The following BICC1 variants were observed in gnomAD, a reference collection of about 807,000 sequenced individuals.
The protein encoded by BICC1 is BicC family RNA binding protein 1.
A neutral mutation model predicts 111.0 loss-of-function variants in BICC1; 43 were observed. That is an observed-to-expected ratio of 0.39 (90% CI 0.30 to 0.50). The LOEUF (loss-of-function observed/expected upper bound fraction) is 0.50. Ranked by LOEUF, BICC1 falls within the 20% of genes least tolerant of loss-of-function variation. The pLI is 0.88. For missense variants in BICC1, 1,091 were observed against 1,203.2 expected (o/e 0.91, Z 1.38); for synonymous variants, 467 against 434.4 (o/e 1.07, Z -0.93).
chr10:58,757,295 G>C (rs527327233), intron 3 of BICC1, among the ~76,000 whole-genome samples: 1 of 152,306 alleles, frequency 6.6e-6, no homozygotes, highest in Admixed American at 6.5e-5. Context: ...ATGAAATAAA[G>C]CTGTCAATGA....
At chr10:58,566,539 C>G (rs907571210) in intron 1 of BICC1, among the ~76,000 whole-genome samples, 3 of 152,130 alleles carry the variant, frequency 2.0e-5, no homozygotes, top group African/African-American at 7.2e-5. Context: ...ATCGCTGGAT[C>G]AAATGGTAGT....
At chr10:58,750,542 A>G (rs768127618) in intron 3 of BICC1, among the ~76,000 whole-genome samples, 3 of 152,148 alleles carry the variant, frequency 2.0e-5, no homozygotes, top group Non-Finnish European at 4.4e-5. Flanking sequence ...GCTTGCATAT[A>G]GATCTATGTT....
At chr10:58,788,932 A>G (rs1018157002) in intron 6 of BICC1, among the ~76,000 whole-genome samples, 1 of 152,056 alleles carries the variant, frequency 6.6e-6, no homozygotes, top group Non-Finnish European at 1.5e-5. Flanking sequence ...TCTACAAAAC[A>G]TTTTTAAAAA....
At chr10:58,654,378 C>G (rs1211471970) in intron 2 of BICC1, among the ~76,000 whole-genome samples, 1 of 55,660 alleles carries the variant, frequency 1.8e-5, no homozygotes, top group Non-Finnish European at 3.8e-5. Context: ...GCCATTCTAA[C>G]TGGTGTGAGA....
chr10:58,720,384 G>T (rs1840900175), intron 3 of BICC1, among the ~76,000 whole-genome samples: 1 of 152,180 alleles, frequency 6.6e-6, no homozygotes, highest in African/African-American at 2.4e-5. Context: ...CTCAGTCTCT[G>T]CCCTTTGGAT....
At chr10:58,776,552 G>A (rs923020564) in intron 3 of BICC1, among the ~76,000 whole-genome samples, 3 of 152,188 alleles carry the variant, frequency 2.0e-5, no homozygotes, top group Non-Finnish European at 2.9e-5. Context: ...GGACCATTGA[G>A]TATTGGACTG....
At chr10:58,648,717 A>C in intron 2 of BICC1, 2 of 931,226 alleles carry the variant, frequency 2.1e-6, no homozygotes, top group Non-Finnish European at 2.6e-6. Flanking sequence ...TTGTTTGACC[A>C]TAATGCTACT....
At position 58,513,551 on chromosome 10, in the gene BICC1, T is replaced by C. The variant is rs1385209295; in HGVS notation, c.190+218T>C. Among the ~76,000 whole-genome samples, 6 of 152,200 alleles carry C rather than the reference T, an allele frequency of 3.9e-5. No homozygotes were observed. The South Asian group carries it at 1.0e-3, about 26-fold the overall frequency. ...TCAGATTTCCAGGCGCTGGGGGCCC[T>C]GTGCGAACTTGACTGGCTTCAGAAA... On this transcript the variant is annotated intron_variant, in intron 1 of 20. Transcript: ENST00000373886.
At chr10:58,738,316 G>A (rs1841541613) in intron 3 of BICC1, among the ~76,000 whole-genome samples, 1 of 141,700 alleles carries the variant, frequency 7.1e-6, no homozygotes, top group East Asian at 2.1e-4. Context: ...AGGCTAGCCA[G>A]TTTTCCCAGC....
chr10:58,824,702 C>T (rs557700326), intron 20 of BICC1, among the ~76,000 whole-genome samples: 41 of 152,194 alleles, frequency 2.7e-4, no homozygotes, highest in African/African-American at 9.4e-4. Flanking sequence ...GAGTACCATG[C>T]AAATATAAGG....
intron 3 of BICC1, among the ~76,000 whole-genome samples, chr10:58,708,976 A>G (rs1046085534): frequency 3.9e-5 from 6 of 152,158 alleles, no homozygotes; most frequent in African/African-American, 9.7e-5. Flanking sequence ...TATCTGCCTA[A>G]ATAGTATTCT....
chr10:58,645,910 A>G (rs922359470), intron 2 of BICC1, among the ~76,000 whole-genome samples: 2 of 152,144 alleles, frequency 1.3e-5, no homozygotes, highest in African/African-American at 2.4e-5. Context: ...TGCTTATTGT[A>G]TCTTTCTCTT....
chr10:58,739,715 A>T (rs1402639054), intron 3 of BICC1, among the ~76,000 whole-genome samples: 2 of 152,204 alleles, frequency 1.3e-5, no homozygotes, highest in Non-Finnish European at 2.9e-5. Context: ...TTAAAAATCA[A>T]AATCTATATA....
At position 58,513,439 on chromosome 10, in the gene BICC1, G is replaced by A. The variant is rs1040736695; in HGVS notation, c.190+106G>A. 8.4e-6 allele frequency: 8 copies of A among 956,466 alleles called. No individual in the cohort carries two copies. In the Admixed American group the frequency reaches 1.3e-4, roughly 15 times the overall value. The allele number at this position is 956,466 out of a possible 1,614,324, so 59.2% of individuals were successfully genotyped here. A position where few individuals can be genotyped will look rare whatever the true frequency, so the allele number is the denominator to read the frequency against. On this transcript the variant is annotated intron_variant, in intron 1 of 20. Coordinates refer to ENST00000373886, the MANE Select transcript of BICC1 (RefSeq NM_001080512.3). The stretch of plus-strand genomic sequence containing the variant: ...CCGCTACTCCAGCCTACGGCCGGCC[G>A]GTTTAGCTCCAGGCCCGCTCCCCCG...
chr10:58,545,924 T>C (rs896172847), intron 1 of BICC1, among the ~76,000 whole-genome samples: 4 of 152,170 alleles, frequency 2.6e-5, no homozygotes, highest in Admixed American at 6.6e-5. Flanking sequence ...TTGTTGTTGC[T>C]CTGGAGGTTG....
At chr10:58,728,872 A>G (rs1200152072) in intron 3 of BICC1, among the ~76,000 whole-genome samples, 1 of 152,030 alleles carries the variant, frequency 6.6e-6, no homozygotes, top group African/African-American at 2.4e-5. Context: ...TTTGTTTTTT[A>G]TTTTAATATT....
chr10:58,539,118 A>G (rs1842896620), intron 1 of BICC1, among the ~76,000 whole-genome samples: 1 of 151,926 alleles, frequency 6.6e-6, no homozygotes, highest in Admixed American at 6.6e-5. Context: ...TCACAATTGT[A>G]ATGATACGGA....
intron 1 of BICC1, among the ~76,000 whole-genome samples, chr10:58,595,124 T>C (rs1844769284): frequency 6.6e-6 from 1 of 152,140 alleles, no homozygotes; most frequent in Non-Finnish European, 1.5e-5. Context: ...AAGAAGGCCA[T>C]TACATAATGG....
At chr10:58,786,703 T>C (rs1320401233) in intron 4 of BICC1, among the ~76,000 whole-genome samples, 1 of 152,242 alleles carries the variant, frequency 6.6e-6, no homozygotes, top group Admixed American at 6.5e-5. Flanking sequence ...TAAATTTTTC[T>C]ATTTCTTCTG....
Sources: allele counts gnomAD v4.1 joint callset (sites outside exome capture counted in the v4.1 genomes callset), GRCh38; gene constraint gnomAD v4.1.1; transcripts MANE v1.5; gene names NCBI Gene and HGNC (gene_info 2026-07-23, HGNC 2026-07-21).